The following ABCA5 variants were observed in gnomAD, a reference collection of about 807,000 sequenced individuals.
ABCA5 encodes cholesterol transporter ABCA5.
ABCA5 carries 163 observed loss-of-function variants against 206.0 expected under a neutral mutation model. That is an observed-to-expected ratio of 0.79 (90% CI 0.70 to 0.90). The LOEUF (loss-of-function observed/expected upper bound fraction) is 0.90. Ranked by LOEUF, ABCA5 falls within the 40% of genes least tolerant of loss-of-function variation. The pLI is 0.00. For missense variants in ABCA5, 1,859 were observed against 1,912.9 expected (o/e 0.97, Z 0.53); for synonymous variants, 609 against 613.8 (o/e 0.99, Z 0.11).
chr17:69,313,317 T>G (rs1283310535), intron 2 of ABCA5, 21 bp from the exon 3 acceptor site: 6 of 1,182,598 alleles, frequency 5.1e-6, no homozygotes, highest in Non-Finnish European at 7.1e-6. Flanking sequence ...AGAAACAAAG[T>G]AATTACAAAG....
chr17:69,302,932 G>A, intron 7 of ABCA5, 26 bp from the exon 8 acceptor site: 2 of 1,335,500 alleles, frequency 1.5e-6, no homozygotes, highest in Non-Finnish European at 2.0e-6. Flanking sequence ...ATTAAGGTTA[G>A]TGCAATGTTC....
chr17:69,314,377 C>CT lies in ABCA5; in HGVS notation c.38dup (p.Thr14AspfsTer12). Reference sequence around the variant, plus strand: ...AATTCTTCAGTAGAAGTGTTCTGGTCTGTCTCCAAACTCCTACCTCCCTAA... The same window carrying CT: ...AATTCTTCAGTAGAAGTGTTCTGGTCTTGTCTCCAAACTCCTACCTCCCTAA... On this transcript the variant is annotated frameshift_variant, in exon 2 of 39. Transcript: ENST00000392676. LOFTEE classifies it high-confidence loss of function. 1 of 1,613,772 alleles carries CT rather than the reference C, an allele frequency of 6.2e-7. No individual in the cohort carries two copies. Among genetic ancestry groups the CT allele is most frequent in the Non-Finnish European group, 8.5e-7 (1 of 1,179,748 alleles).
At chr17:69,277,199 C>CAA in intron 19 of ABCA5, among the ~76,000 whole-genome samples, 1 of 152,232 alleles carries the variant, frequency 6.6e-6, no homozygotes, top group East Asian at 1.9e-4. Flanking sequence ...AGGTAAAACT[C>CAA]ATTTTTCCTG....
chr17:69,290,734 G>C (rs1412096591), intron 12 of ABCA5, among the ~76,000 whole-genome samples: 1 of 152,036 alleles, frequency 6.6e-6, no homozygotes, highest in Non-Finnish European at 1.5e-5. Context: ...ATAATATGGA[G>C]CTACTATAAT....
intron 13 of ABCA5, among the ~76,000 whole-genome samples, chr17:69,289,650 G>A (rs2075502354): frequency 6.6e-6 from 1 of 152,062 alleles, no homozygotes; most frequent in Non-Finnish European, 1.5e-5. Context: ...GCAGGAATAA[G>A]GCAGGCAAGC....
intron 9 of ABCA5, among the ~76,000 whole-genome samples, chr17:69,298,583 A>C (rs548802502): frequency 5.9e-5 from 9 of 152,294 alleles, no homozygotes; most frequent in African/African-American, 2.2e-4. Context: ...AAACAAAAAC[A>C]TAAATGTAGG....
intron 17 of ABCA5, among the ~76,000 whole-genome samples, 173 bp downstream of exon 17, chr17:69,285,725 C>T (rs993277567): frequency 2.0e-5 from 3 of 151,628 alleles, no homozygotes; most frequent in Admixed American, 1.3e-4. Context: ...AAAAATTTTG[C>T]TGTGTTTTTT....
chr17:69,289,637 AAG>A, intron 13 of ABCA5, among the ~76,000 whole-genome samples: 1 of 152,224 alleles, frequency 6.6e-6, no homozygotes, highest in Middle Eastern at 3.4e-3. Context: ...AGAGCAAGAG[AAG>A]GCAGGAATAA....
At position 69,286,280 on chromosome 17, in the gene ABCA5, C is replaced by T. The variant is rs201730590; in HGVS notation, c.2073G>A (p.Leu691=). Reference sequence around the variant, plus strand: ...GGAACATTGAAGAACCAACACATTTCAGCATTCCTTGTGATATCACAGCTT... The same window carrying T: ...GGAACATTGAAGAACCAACACATTTTAGCATTCCTTGTGATATCACAGCTT... ...DRKAVISQGM[L]KCVGSSMFLK... is the part of the protein sequence containing the mutation. Residue 691 remains leucine (L), a synonymous_variant, in exon 16 of 39, where the codon CTG becomes CTA. Coordinates refer to ENST00000392676, the MANE Select transcript of ABCA5 (RefSeq NM_172232.4). 2.4e-4 allele frequency: 380 copies of T among 1,591,740 alleles called. No individual in the cohort carries two copies. The highest frequency in any genetic ancestry group is 3.1e-4 in the Non-Finnish European group (361 of 1,174,780).
At chr17:69,291,183 G>T in intron 12 of ABCA5, 33 bp downstream of exon 12, 1 of 1,361,354 alleles carries the variant, frequency 7.3e-7, no homozygotes, top group Admixed American at 2.2e-5. Context: ...TATATATAAT[G>T]AAGTTTTTTT....
At chr17:69,260,826 C>A (rs571090879) in intron 26 of ABCA5, among the ~76,000 whole-genome samples, 1 of 151,798 alleles carries the variant, frequency 6.6e-6, no homozygotes, top group South Asian at 2.1e-4. Context: ...TAGTGAAATA[C>A]GTTATTTAAT....
chr17:69,255,844 A>C lies in ABCA5; in HGVS notation c.3865T>G (p.Ser1289Ala). The part of the protein sequence containing the change: ...MGCQCCEEKP[S>A]IMVSNLHKEY... The stretch of plus-strand genomic sequence containing the variant: ...TTATGCAAATTGCTGACCATAATGG[A>C]TGGTTTCTAATAAGAAAAATTGTAT... The change falls in exon 30 of 39, where the codon TCC becomes GCC. Residue 1289 changes from serine to alanine, a missense_variant. Ser to Ala is a moderately conservative substitution (Grantham distance 99). Coordinates refer to ENST00000392676, the MANE Select transcript of ABCA5 (RefSeq NM_172232.4). The C allele has an allele frequency of 6.5e-7, 1 of 1,549,714 alleles. No individual in the cohort carries two copies.
intron 14 of ABCA5, among the ~76,000 whole-genome samples, chr17:69,288,002 C>T (rs532760713): frequency 1.3e-5 from 2 of 152,166 alleles, no homozygotes; most frequent in South Asian, 4.1e-4. Flanking sequence ...TAACAACAGT[C>T]AGACAAACAA....
rs555283778 is a variant in ABCA5 at position 69,273,655 on chromosome 17, C to T, written c.2764+304G>A. ...ATTTTTAGTAGAGACGGGGTTTCAC[C>T]GTGTTAGCCAGGATGGTCTCGATCC... On this transcript the variant is annotated intron_variant, in intron 20 of 38. Coordinates refer to ENST00000392676, the MANE Select transcript of ABCA5 (RefSeq NM_172232.4). 7.2e-5 allele frequency among the ~76,000 whole-genome samples: 11 copies of T among 151,998 alleles called. No homozygotes were observed. In the South Asian group the frequency reaches 1.7e-3, roughly 23 times the overall value.
At position 69,256,359 on chromosome 17, in the gene ABCA5, A is replaced by G. The variant is rs1174791982; in HGVS notation, c.3732-76T>C. The G allele has an allele frequency of 3.1e-6, 3 of 967,998 alleles. No homozygotes were observed. The African/African-American group carries it at 5.1e-5, about 17-fold the overall frequency. 60.0% of individuals were successfully genotyped at this position (967,998 alleles called of 1,614,324 possible). A position where few individuals can be genotyped will look rare whatever the true frequency, so the allele number is the denominator to read the frequency against. ...ATAGTAAGAAATTCAGATACTAGGT[A>G]GAGAAAAGACTGAAAAAATACACTA... On this transcript the variant is annotated intron_variant, in intron 28 of 38. Coordinates refer to ENST00000392676, the MANE Select transcript of ABCA5 (RefSeq NM_172232.4).
At position 69,247,655 on chromosome 17, in the gene ABCA5, A is replaced by G; in HGVS notation, c.4822-11T>C. The G allele has an allele frequency of 1.3e-6, 2 of 1,525,782 alleles. No homozygotes were observed. Among genetic ancestry groups the G allele is most frequent in the Non-Finnish European group, 1.8e-6 (2 of 1,107,446 alleles). 94.5% of individuals were successfully genotyped at this position (1,525,782 alleles called of 1,614,324 possible). A position where few individuals can be genotyped will look rare whatever the true frequency, so the allele number is the denominator to read the frequency against. ...GAGTTCTACAAAAACCTAGGTGAAA[A>G]GAAATAAATGAATACAGTATGCTGT... On this transcript the variant is annotated splice_polypyrimidine_tract_variant and intron_variant, in intron 38 of 38. Transcript: ENST00000392676.
In ABCA5 at chr17:69,277,802, C is replaced by T; in HGVS notation, c.2433G>A (p.Met811Ile). 6.3e-7 allele frequency: 1 copy of T among 1,575,956 alleles called. No homozygotes were observed. The highest frequency in any genetic ancestry group is 8.6e-7 in the Non-Finnish European group (1 of 1,164,358). Residue 811 changes from methionine to isoleucine, a missense_variant, in exon 19 of 39, where the codon ATG becomes ATA. Transcript: ENST00000392676. ...CCATTTCATCAAAAGATTTTGAATC[C>T]ATTTCTTCCTCCAGTGGCTGCTGAG... is the stretch of plus-strand genomic sequence containing the variant. Reference protein sequence around the residue: ...VFTQQPLEEEMDSKSFDEMEQ... With the variant: ...VFTQQPLEEEIDSKSFDEMEQ...
At chr17:69,256,396 A>C in intron 28 of ABCA5, 113 bp from the exon 29 acceptor site, 1 of 551,756 alleles carries the variant, frequency 1.8e-6, no homozygotes, top group Non-Finnish European at 2.9e-6. Flanking sequence ...CATAAGATCT[A>C]GGATTATCTC....
intron 22 of ABCA5, chr17:69,268,688 G>C (rs906293845): frequency 1.3e-5 from 2 of 152,212 alleles, no homozygotes; most frequent in African/African-American, 4.8e-5. Flanking sequence ...ACCAAGGTCA[G>C]TTTCCTCCCC....
Sources: allele counts gnomAD v4.1 joint callset (sites outside exome capture counted in the v4.1 genomes callset), GRCh38; gene constraint gnomAD v4.1.1; transcripts MANE v1.5; gene names NCBI Gene and HGNC (gene_info 2026-07-23, HGNC 2026-07-21).